Variants in PELP1 observed in about 807,000 individuals in gnomAD.
PELP1 encodes proline-, glutamic acid- and leucine-rich protein 1.
A neutral mutation model predicts 95.5 loss-of-function variants in PELP1; 32 were observed. That is an observed-to-expected ratio of 0.34 (90% CI 0.25 to 0.45). The LOEUF (loss-of-function observed/expected upper bound fraction) is 0.45, where lower values mean the gene tolerates loss of function less well. Among genes scored for constraint, PELP1 ranks in the 20% least tolerant of loss-of-function variants. The pLI, the probability that PELP1 is intolerant of heterozygous loss-of-function variation, is 1.00. For missense variants in PELP1, 1,358 were observed against 1,444.8 expected (o/e 0.94, Z 0.97); for synonymous variants, 668 against 600.1 (o/e 1.11, Z -1.65).
At chr17:4,680,814 T>A (rs1186799978) in intron 5 of PELP1, among the ~76,000 whole-genome samples, 1 of 152,250 alleles carries the variant, frequency 6.6e-6, no homozygotes, top group African/African-American at 2.4e-5. Context: ...ACCTACTTGT[T>A]CTTAGGTATA....
chr17:4,673,651 A>C lies in PELP1; in HGVS notation c.1606T>G (p.Cys536Gly). Residue 536 changes from cysteine to glycine, a missense_variant, in exon 14 of 17, where the codon TGT becomes GGT. Coordinates refer to ENST00000572293, the MANE Select transcript of PELP1 (RefSeq NM_014389.3). This position sits in a 1 kb window ranked among gnomAD's most constrained non-coding sequence, Gnocchi z 5.7. ...GTCTCCTCCTTGATGAGAGGCCCACACATGAGGATGGTCCGGCTGAGGCCT... is the reference window on the plus strand; with the variant it reads ...GTCTCCTCCTTGATGAGAGGCCCACCCATGAGGATGGTCCGGCTGAGGCCT... Reference protein sequence around the residue: ...LRGLSRTILMCGPLIKEETHR... With the variant: ...LRGLSRTILMGGPLIKEETHR... The C allele has an allele frequency of 6.2e-7, 1 of 1,613,932 alleles. No individual in the cohort carries two copies. The highest frequency in any genetic ancestry group is 2.2e-5 in the East Asian group (1 of 44,870).
Position 4,672,283 on chromosome 17 carries a change from T to C in PELP1, c.2708A>G (p.Glu903Gly). The C allele has an allele frequency of 1.9e-6, 3 of 1,551,548 alleles. No homozygotes were observed. The highest frequency in any genetic ancestry group is 2.6e-6 in the Non-Finnish European group (3 of 1,146,822). ...EEEEEEEEEE[E>G]EEEEEDFEEE... ...CTCAAAGTCTTCCTCCTCTTCCTCT[T>C]CTTCCTCTTCTTCTTCTTCCTCTTC... Residue 903 changes from glutamate (E) to glycine (G), a missense_variant, in exon 16 of 17, where the codon GAA becomes GGA. By Grantham distance (98) the Glu-to-Gly change is moderately conservative. Around this residue, in one of 7 missense-constraint regions of PELP1, gnomAD observed 283 missense variants for 284.1 expected, o/e 1.00. Coordinates refer to ENST00000572293, the MANE Select transcript of PELP1 (RefSeq NM_014389.3).
chr17:4,681,845 A>C (rs1216895591), intron 5 of PELP1, among the ~76,000 whole-genome samples: 1 of 151,908 alleles, frequency 6.6e-6, no homozygotes, highest in Admixed American at 6.6e-5. Flanking sequence ...GTTGAACGTT[A>C]AAAATTTAAA....
At chr17:4,702,373 C>T (rs566576347) in intron 1 of PELP1, among the ~76,000 whole-genome samples, 3 of 152,286 alleles carry the variant, frequency 2.0e-5, no homozygotes, top group African/African-American at 4.8e-5. Context: ...GAGCCAAGAT[C>T]ATGCCACTGC....
intron 3 of PELP1, among the ~76,000 whole-genome samples, chr17:4,686,975 T>C (rs1336559297): frequency 6.6e-6 from 1 of 152,110 alleles, no homozygotes; most frequent in East Asian, 1.9e-4. Context: ...CCCAGCCACA[T>C]CTCATCAATT....
rs768554937 is a variant in PELP1, at chr17:4,674,874, C to G, written c.1357G>C (p.Ala453Pro). The G allele has an allele frequency of 1.2e-6, 2 of 1,613,724 alleles. No individual in the cohort carries two copies. The highest frequency in any genetic ancestry group is 1.7e-6 in the Non-Finnish European group (2 of 1,179,826). Residue 453 changes from alanine (A) to proline (P), a missense_variant, in exon 12 of 17, where the codon GCC (alanine) becomes CCC (proline). Physicochemically the swap from Ala to Pro is conservative, Grantham distance 27. Around this residue, in one of 7 missense-constraint regions of PELP1, gnomAD observed 538 missense variants for 628.1 expected, o/e 0.86. Transcript: ENST00000572293. ...GASAGMLQGG[A>P]SGEALLTHLL... Reference sequence around the variant, plus strand: ...TGGGTGAGCAGGGCCTCTCCAGAGGCTCCTCCCTGAAGCATTCCCGCCGAG... The same window carrying G: ...TGGGTGAGCAGGGCCTCTCCAGAGGGTCCTCCCTGAAGCATTCCCGCCGAG...
intron 1 of PELP1, among the ~76,000 whole-genome samples, chr17:4,702,068 A>G (rs116929497): frequency 0.018 from 2,689 of 152,330 alleles, 77 homozygotes; most frequent in African/African-American, 0.057. Context: ...AGAGATGATG[A>G]AAGAAATCAC....
At chr17:4,700,934 AAAAAAAAAGAAAAG>A (rs1455331272) in intron 1 of PELP1, among the ~76,000 whole-genome samples, 127 of 149,828 alleles carry the variant, frequency 8.5e-4, no homozygotes, top group African/African-American at 2.9e-3. Context: ...ATCTCAAAAA[AAAAAAAAAGAAAAG>A]AAAAGAAAAG....
At chr17:4,685,650 G>C (rs1030568731) in intron 3 of PELP1, among the ~76,000 whole-genome samples, 11 of 151,944 alleles carry the variant, frequency 7.2e-5, no homozygotes, top group African/African-American at 2.7e-4. Flanking sequence ...TTAATTAGCG[G>C]GGGGTGGTGG....
intron 2 of PELP1, 78 bp from the exon 3 acceptor site, chr17:4,691,071 T>C: frequency 9.9e-7 from 1 of 1,013,860 alleles, no homozygotes. Context: ...TTATTCTCAC[T>C]AGGCTACAGC....
intron 5 of PELP1, 109 bp downstream of exon 5, chr17:4,682,393 A>G (rs1251549934): frequency 1.4e-6 from 1 of 734,352 alleles, no homozygotes; most frequent in East Asian, 2.5e-5. Context: ...GAGATAGGTA[A>G]CTTTAAAGGA....
In PELP1 at chr17:4,691,548, C is replaced by T. The variant is rs1295778743; in HGVS notation, c.250-106G>A. On this transcript the variant is annotated intron_variant, in intron 1 of 16. Coordinates refer to ENST00000572293, the MANE Select transcript of PELP1 (RefSeq NM_014389.3). The stretch of plus-strand genomic sequence containing the variant: ...AGCACCTATGAAGCCTTTCTGAAGT[C>T]ACATCTCCTCTGAGGCCAAAAGGCC... The T allele has an allele frequency of 2.2e-5, 19 of 868,342 alleles. No homozygotes were observed. The East Asian group carries it at 4.6e-4, about 21-fold the overall frequency. 53.8% of individuals were successfully genotyped at this position (868,342 alleles called of 1,614,324 possible).
intron 3 of PELP1, among the ~76,000 whole-genome samples, chr17:4,683,493 A>G (rs1285311098): frequency 1.4e-5 from 2 of 143,462 alleles, no homozygotes; most frequent in African/African-American, 5.1e-5. Context: ...TGCTGGGATT[A>G]CAGGTGTGAG....
rs867663202 is a variant in PELP1, at chr17:4,675,324, C to A, written c.1107G>T (p.Leu369=). 2.5e-5 allele frequency: 39 copies of A among 1,559,542 alleles called. No individual in the cohort carries two copies. The African/African-American group carries it at 5.2e-4, about 21-fold the overall frequency. ...HGDGPLRLLL[L]PSIHLEALDL... ...CCAAGGCCTCAAGGTGGATAGAGGGCAGCAGCAGCAGCCGCAGGGGACCAT... is the reference window on the plus strand; with the variant it reads ...CCAAGGCCTCAAGGTGGATAGAGGGAAGCAGCAGCAGCCGCAGGGGACCAT... Residue 369 remains leucine (L), a synonymous_variant, in exon 10 of 17, where the codon CTG becomes CTT. Coordinates refer to ENST00000572293, the MANE Select transcript of PELP1 (RefSeq NM_014389.3). The surrounding 1 kb of genome is among the most constrained non-coding windows in gnomAD (Gnocchi z 4.3).
chr17:4,689,326 T>TAA (rs1177370610), intron 3 of PELP1, among the ~76,000 whole-genome samples: 1 of 152,102 alleles, frequency 6.6e-6, no homozygotes, highest in Non-Finnish European at 1.5e-5. Flanking sequence ...AAAACAAAGA[T>TAA]AAATAGATGG....
chr17:4,698,440 C>T (rs1473857453), intron 1 of PELP1, among the ~76,000 whole-genome samples: 1 of 150,262 alleles, frequency 6.7e-6, no homozygotes, highest in Non-Finnish European at 1.5e-5. Flanking sequence ...CGAGACCAGC[C>T]TGGCCAACAT....
At chr17:4,697,894 G>T (rs567850193) in intron 1 of PELP1, among the ~76,000 whole-genome samples, 9 of 142,402 alleles carry the variant, frequency 6.3e-5, no homozygotes, top group Admixed American at 2.1e-4. Context: ...ACTACAAATG[G>T]AAAAAAAAAA....
At position 4,671,802 on chromosome 17, in the gene PELP1, G is replaced by C. The variant is rs1197877344; in HGVS notation, c.3189C>G (p.Thr1063=). Residue 1063 remains threonine (T), a synonymous_variant, in exon 16 of 17, where the codon ACC becomes ACG. Coordinates refer to ENST00000572293, the MANE Select transcript of PELP1 (RefSeq NM_014389.3). ...CATCCTCAGTCTCCTCTTCCAACAG[G>C]GTTGGGGGAGCAGAGGGCTCTTCTT... ...LVEEEPSAPP[T]LLEEETEDGS... 6.6e-7 allele frequency: 1 copy of C among 1,515,626 alleles called. No homozygotes were observed. The highest frequency in any genetic ancestry group is 2.3e-5 in the East Asian group (1 of 43,614). The allele number at this position is 1,515,626 out of a possible 1,614,324, so 93.9% of individuals were successfully genotyped here. A position where few individuals can be genotyped will look rare whatever the true frequency, so the allele number is the denominator to read the frequency against.
chr17:4,685,135 C>T (rs1016445063), intron 3 of PELP1, among the ~76,000 whole-genome samples: 1 of 152,168 alleles, frequency 6.6e-6, no homozygotes, highest in Admixed American at 6.5e-5. Flanking sequence ...CTTCTTATCC[C>T]GTGCCAGTCT....
Sources: allele counts gnomAD v4.1 joint callset (sites outside exome capture counted in the v4.1 genomes callset), GRCh38; gene constraint gnomAD v4.1.1; regional missense constraint gnomAD v4.1.1; non-coding constraint Gnocchi (gnomAD v3.1); transcripts MANE v1.5; gene names NCBI Gene and HGNC (gene_info 2026-07-23, HGNC 2026-07-21).